The following ZNF804B variants were observed in gnomAD, a reference collection of about 807,000 sequenced individuals.
ZNF804B encodes the protein zinc finger 804B.
Under a neutral mutation model 101.4 loss-of-function variants are expected in ZNF804B, and 80 were observed. The observed-to-expected ratio is 0.79, with a 90% CI of 0.66 to 0.95. ZNF804B has a LOEUF of 0.95. ZNF804B is among the 40% of genes least tolerant of loss of function. The pLI is 0.00. For missense variants in ZNF804B, 1,673 were observed against 1,561.9 expected (o/e 1.07, Z -1.20); for synonymous variants, 622 against 558.8 (o/e 1.11, Z -1.59).
intron 1 of ZNF804B, among the ~76,000 whole-genome samples, chr7:89,213,864 G>A (rs10264924): frequency 0.75 from 114,318 of 152,148 alleles, 44,212 homozygotes; most frequent in African/African-American, 0.91. Flanking sequence ...AGATTAAGTG[G>A]GTGAACAAGT....
intron 1 of ZNF804B, among the ~76,000 whole-genome samples, chr7:89,074,294 T>A (rs192929256): frequency 6.6e-6 from 1 of 152,186 alleles, no homozygotes; most frequent in Admixed American, 6.5e-5. Flanking sequence ...AAATCAATAA[T>A]ATAGTTTGGC....
At chr7:88,957,918 A>ATG (rs1793334425) in intron 1 of ZNF804B, among the ~76,000 whole-genome samples, 1 of 126,492 alleles carries the variant, frequency 7.9e-6, no homozygotes, top group Non-Finnish European at 1.8e-5. Flanking sequence ...ATGTGTGTGC[A>ATG]TATGTGTGTG....
chr7:89,009,267 C>A (rs1256986936), intron 1 of ZNF804B, among the ~76,000 whole-genome samples: 1 of 152,040 alleles, frequency 6.6e-6, no homozygotes, highest in East Asian at 1.9e-4. Context: ...TATCTGTTAT[C>A]CTTTATTCTT....
intron 1 of ZNF804B, among the ~76,000 whole-genome samples, chr7:88,878,310 T>C (rs1003371662): frequency 1.3e-5 from 2 of 152,150 alleles, no homozygotes; most frequent in Non-Finnish European, 2.9e-5. Flanking sequence ...ACACCAAAGA[T>C]TGCCCTATTT....
At chr7:88,764,494 G>A (rs1171018289) in intron 1 of ZNF804B, among the ~76,000 whole-genome samples, 1 of 152,080 alleles carries the variant, frequency 6.6e-6, no homozygotes, top group Non-Finnish European at 1.5e-5. Context: ...CTAATAGGAG[G>A]ATGTGGAATA....
chr7:88,980,471 G>A (rs1410370928), intron 1 of ZNF804B, among the ~76,000 whole-genome samples: 2 of 151,952 alleles, frequency 1.3e-5, no homozygotes, highest in African/African-American at 4.8e-5. Context: ...ATACTCAAAG[G>A]GAATTAATTG....
intron 1 of ZNF804B, among the ~76,000 whole-genome samples, chr7:88,776,560 G>GTTTTTTTTTT (rs57733765): frequency 6.0e-4 from 45 of 75,082 alleles, no homozygotes; most frequent in Admixed American, 1.2e-3. Flanking sequence ...GTGGTGTTTT[G>GTTTTTTTTTT]TTTTTTTTTT....
intron 1 of ZNF804B, among the ~76,000 whole-genome samples, chr7:88,831,211 A>G (rs568233740): frequency 3.3e-5 from 5 of 152,032 alleles, no homozygotes; most frequent in Non-Finnish European, 7.4e-5. Flanking sequence ...AGTCATTAGC[A>G]GTCACTATTT....
chr7:88,991,911 T>G (rs2116155000), intron 1 of ZNF804B, among the ~76,000 whole-genome samples: 1 of 152,312 alleles, frequency 6.6e-6, no homozygotes, highest in South Asian at 2.1e-4. Context: ...TCTCTTGAGA[T>G]AATTTTCTAA....
chr7:88,813,961 T>C (rs1415551590), intron 1 of ZNF804B, among the ~76,000 whole-genome samples: 1 of 152,124 alleles, frequency 6.6e-6, no homozygotes, highest in Non-Finnish European at 1.5e-5. Flanking sequence ...TTGACATGCA[T>C]AGCCAATGCA....
intron 1 of ZNF804B, among the ~76,000 whole-genome samples, chr7:88,850,653 C>T (rs1791439014): frequency 6.6e-6 from 1 of 152,118 alleles, no homozygotes; most frequent in African/African-American, 2.4e-5. Context: ...AAAGACCAAA[C>T]TGTTTCTAAG....
At chr7:89,036,374 T>C (rs887614770) in intron 1 of ZNF804B, among the ~76,000 whole-genome samples, 5 of 151,826 alleles carry the variant, frequency 3.3e-5, no homozygotes, top group African/African-American at 1.2e-4. Flanking sequence ...TTAATATTAA[T>C]GAATATTAGC....
intron 1 of ZNF804B, among the ~76,000 whole-genome samples, chr7:88,926,417 T>C (rs1386910753): frequency 7.3e-6 from 1 of 136,326 alleles, no homozygotes; most frequent in East Asian, 2.3e-4. Flanking sequence ...CGAAACCCCA[T>C]GTCTATTAAA....
chr7:88,872,743 G>A (rs1791854396), intron 1 of ZNF804B, among the ~76,000 whole-genome samples: 1 of 150,276 alleles, frequency 6.7e-6, no homozygotes, highest in South Asian at 2.1e-4. Context: ...TCTTGCGATA[G>A]TTTACTGAGA....
At chr7:89,153,429 G>GATGATAATAATA (rs1468701346) in intron 1 of ZNF804B, among the ~76,000 whole-genome samples, 3 of 145,528 alleles carry the variant, frequency 2.1e-5, no homozygotes, top group Non-Finnish European at 4.5e-5. Context: ...TGATGATGAT[G>GATGATAATAATA]ATAATAATAA....
At chr7:89,086,157 T>C (rs1789797638) in intron 1 of ZNF804B, among the ~76,000 whole-genome samples, 2 of 152,010 alleles carry the variant, frequency 1.3e-5, no homozygotes, top group African/African-American at 4.8e-5. Context: ...ATTTATTTAA[T>C]TTACAAGCAA....
At chr7:89,163,666 C>CAAA (rs34344086) in intron 1 of ZNF804B, among the ~76,000 whole-genome samples, 470 of 149,888 alleles carry the variant, frequency 3.1e-3, no homozygotes, top group Admixed American at 5.8e-3. Context: ...TCACTTTTAG[C>CAAA]AAAAAAAAAT....
At chr7:89,034,103 C>A (rs1044403783) in intron 1 of ZNF804B, among the ~76,000 whole-genome samples, 4 of 152,004 alleles carry the variant, frequency 2.6e-5, no homozygotes, top group Non-Finnish European at 5.9e-5. Flanking sequence ...TGAATCCCAG[C>A]TGAAGAATTT....
intron 1 of ZNF804B, among the ~76,000 whole-genome samples, chr7:89,108,223 C>CTTTTTTTTTTTT (rs68099837): frequency 7.1e-6 from 1 of 140,342 alleles, no homozygotes. Context: ...TAATTAGCTG[C>CTTTTTTTTTTTT]TTTTTTTTTT....
Sources: allele counts gnomAD v4.1 joint callset (sites outside exome capture counted in the v4.1 genomes callset), GRCh38; gene constraint gnomAD v4.1.1; transcripts MANE v1.5; gene names NCBI Gene and HGNC (gene_info 2026-07-23, HGNC 2026-07-21).